Variants in PSPH observed in about 807,000 individuals in gnomAD.
PSPH encodes the protein L-3-phosphoserine phosphatase.
Under a neutral mutation model 23.4 loss-of-function variants are expected in PSPH, and 16 were observed. That is an observed-to-expected ratio of 0.68 (90% CI 0.46 to 1.04). PSPH has a LOEUF of 1.04. Ranked by LOEUF, PSPH falls within the 50% of genes least tolerant of loss-of-function variation. The pLI is 0.00. For missense variants in PSPH, 223 were observed against 273.7 expected, an observed-to-expected ratio of 0.81 and a Z score of 1.31; for synonymous variants, 68 against 99.7, an observed-to-expected ratio of 0.68 and a Z score of 1.89.
chr7:56,021,004 C>T (rs748611488), intron 4 of PSPH, 69 bp downstream of exon 4: 42 of 1,548,860 alleles, frequency 2.7e-5, no homozygotes, highest in Non-Finnish European at 3.7e-5. Flanking sequence ...GGGTCTAGCA[C>T]TTCATCCAAA....
chr7:56,028,273 G>T (rs1790488617), intron 3 of PSPH, among the ~76,000 whole-genome samples: 1 of 151,970 alleles, frequency 6.6e-6, no homozygotes, highest in African/African-American at 2.4e-5. Flanking sequence ...TGCCCACACT[G>T]GAGTGCCAAT....
At chr7:56,030,978 G>A (rs1470317452) in intron 3 of PSPH, among the ~76,000 whole-genome samples, 1 of 152,028 alleles carries the variant, frequency 6.6e-6, no homozygotes, top group Non-Finnish European at 1.5e-5. Flanking sequence ...TTGGGAGGCT[G>A]AGGCGGGTGG....
intron 7 of PSPH, among the ~76,000 whole-genome samples, chr7:56,012,874 C>T (rs910511539): frequency 2.0e-5 from 3 of 149,718 alleles, no homozygotes; most frequent in Non-Finnish European, 3.0e-5. Context: ...GGATTACAGG[C>T]GTGAGCCACT....
intron 1 of PSPH, among the ~76,000 whole-genome samples, chr7:56,045,411 A>G (rs531025789): frequency 6.0e-5 from 9 of 150,456 alleles, no homozygotes; most frequent in Non-Finnish European, 1.0e-4. Flanking sequence ...TGCAGTAAGC[A>G]GTGATTGCGC....
At chr7:56,018,324 C>T (rs1562788440) in intron 5 of PSPH, among the ~76,000 whole-genome samples, 2 of 151,686 alleles carry the variant, frequency 1.3e-5, no homozygotes, top group Non-Finnish European at 1.5e-5. Context: ...AGCTTGGCAA[C>T]AGTGCGAGAC....
chr7:56,016,972 C>T (rs998307238), intron 6 of PSPH, among the ~76,000 whole-genome samples: 1 of 152,074 alleles, frequency 6.6e-6, no homozygotes, highest in Non-Finnish European at 1.5e-5. Flanking sequence ...TAGGGGGCTT[C>T]GTAGGAGTTA....
At chr7:56,016,206 G>A (rs565650422) in intron 6 of PSPH, among the ~76,000 whole-genome samples, 11 of 151,082 alleles carry the variant, frequency 7.3e-5, no homozygotes, top group South Asian at 2.1e-4. Context: ...TGAGACCAGC[G>A]TGACCAACAT....
chr7:56,015,744 C>T (rs757056710), intron 6 of PSPH, among the ~76,000 whole-genome samples: 107 of 151,164 alleles, frequency 7.1e-4, no homozygotes, highest in Non-Finnish European at 1.1e-3. Context: ...CTGCAATATC[C>T]GCCTCCCAGG....
intron 6 of PSPH, 64 bp downstream of exon 6, chr7:56,017,170 A>T (rs960975300): frequency 6.2e-7 from 1 of 1,608,750 alleles, no homozygotes; most frequent in African/African-American, 1.3e-5. Context: ...TTCCAAAGAC[A>T]TTACCCAGAA....
At chr7:56,031,401 T>C (rs190778409) in intron 3 of PSPH, among the ~76,000 whole-genome samples, 1 of 152,302 alleles carries the variant, frequency 6.6e-6, no homozygotes, top group South Asian at 2.1e-4. Context: ...AACCTGCACA[T>C]GTACTCCTTA....
chr7:56,035,786 A>G (rs1193717396), intron 1 of PSPH, among the ~76,000 whole-genome samples: 2 of 151,894 alleles, frequency 1.3e-5, no homozygotes, highest in Non-Finnish European at 2.9e-5. Flanking sequence ...TGCCCAGCTA[A>G]TTTTTGTATT....
At chr7:56,035,450 A>G (rs1791604466) in intron 1 of PSPH, among the ~76,000 whole-genome samples, 1 of 152,010 alleles carries the variant, frequency 6.6e-6, no homozygotes, top group South Asian at 2.1e-4. Flanking sequence ...AGCTGGCTGG[A>G]GCTGGGCATT....
At position 56,045,886 on chromosome 7, in the gene PSPH, C is replaced by CAAAA. The variant is rs34528611; in HGVS notation, c.-292+5248_-292+5251dup. Among the ~76,000 whole-genome samples, 81 of 108,220 alleles carry CAAAA rather than the reference C, an allele frequency of 7.5e-4. 1 individual carries two copies. The highest frequency in any genetic ancestry group is 2.8e-3 in the African/African-American group (75 of 26,366). The allele number at this position is 108,220 out of a possible 152,430, so 71.0% of individuals were successfully genotyped here. A position where few individuals can be genotyped will look rare whatever the true frequency, so the allele number is the denominator to read the frequency against. Reference sequence around the variant, plus strand: ...TGGGTGACAGAGCAAGACTTTGTCTCAAAAAAAAAAAAAAAAAAGAAAGAA... The same window carrying CAAAA: ...TGGGTGACAGAGCAAGACTTTGTCTCAAAAAAAAAAAAAAAAAAAAAAGAAAGAA... On this transcript the variant is annotated intron_variant, in intron 1 of 7. Coordinates refer to ENST00000275605, the MANE Select transcript of PSPH (RefSeq NM_004577.4).
At chr7:56,031,537 G>C (rs1284245256) in intron 3 of PSPH, among the ~76,000 whole-genome samples, 2 of 152,154 alleles carry the variant, frequency 1.3e-5, no homozygotes, top group Non-Finnish European at 2.9e-5. Flanking sequence ...TGCTGGCCGG[G>C]TGCAGTGGCT....
At position 56,011,841 on chromosome 7, in the gene PSPH, A is replaced by T; in HGVS notation, c.599T>A (p.Val200Glu). 8 of 1,612,572 alleles carry T rather than the reference A, an allele frequency of 5.0e-6. No individual in the cohort carries two copies. The highest frequency in any genetic ancestry group is 6.8e-6 in the Non-Finnish European group (8 of 1,178,698). Residue 200 changes from valine to glutamate, a missense_variant, in exon 8 of 8, where the codon GTG becomes GAG. Coordinates refer to ENST00000275605, the MANE Select transcript of PSPH (RefSeq NM_004577.4). ...ADAFIGFGGN[V>E]IRQQVKDNAK... ...GTTATCCTTGACTTGTTGCCTGATCACATTTCCTCCAAATCCAATGAAAGC... is the reference window on the plus strand; with the variant it reads ...GTTATCCTTGACTTGTTGCCTGATCTCATTTCCTCCAAATCCAATGAAAGC...
intron 1 of PSPH, among the ~76,000 whole-genome samples, chr7:56,037,579 A>G (rs1319359636): frequency 6.6e-6 from 1 of 151,932 alleles, no homozygotes; most frequent in Non-Finnish European, 1.5e-5. Flanking sequence ...CCACCACACC[A>G]GGCTGGTTTT....
chr7:56,031,071 C>T lies in PSPH; in HGVS notation c.-20+858G>A, dbSNP rs540752629. 5.2e-4 allele frequency among the ~76,000 whole-genome samples: 78 copies of T among 151,322 alleles called. 1 individual carries two copies. The highest frequency in any genetic ancestry group is 8.7e-4 in the Non-Finnish European group (59 of 67,796). ...CTAAAAATATAAAAAATTAGCCGGG[C>T]GCGGTGGCGGGCGCCTGTAGTCCCA... On this transcript the variant is annotated intron_variant, in intron 3 of 7. Coordinates refer to ENST00000275605, the MANE Select transcript of PSPH (RefSeq NM_004577.4).
At chr7:56,047,487 G>T in intron 1 of PSPH, among the ~76,000 whole-genome samples, 1 of 151,920 alleles carries the variant, frequency 6.6e-6, no homozygotes, top group Middle Eastern at 3.2e-3. Context: ...CTTATTAAAT[G>T]CTTATTAAAT....
chr7:56,024,002 C>T (rs1789823870), intron 3 of PSPH, among the ~76,000 whole-genome samples: 3 of 151,996 alleles, frequency 2.0e-5, no homozygotes, highest in Non-Finnish European at 4.4e-5. Context: ...TCTCCGCTCA[C>T]TGCAAGCTCC....
Sources: allele counts gnomAD v4.1 joint callset (sites outside exome capture counted in the v4.1 genomes callset), GRCh38; gene constraint gnomAD v4.1.1; transcripts MANE v1.5; gene names NCBI Gene and HGNC (gene_info 2026-07-23, HGNC 2026-07-21).